The following MEGF6 variants were observed in gnomAD, a reference collection of about 807,000 sequenced individuals.
MEGF6 encodes the protein multiple epidermal growth factor-like domains protein 6.
MEGF6 carries 184 observed loss-of-function variants against 207.1 expected under a neutral mutation model. That is an observed-to-expected ratio of 0.89 (90% confidence interval 0.79 to 1.00). The LOEUF (loss-of-function observed/expected upper bound fraction) is 1.00, where lower values mean the gene tolerates loss of function less well. Among genes scored for constraint, MEGF6 ranks in the 50% least tolerant of loss-of-function variants. The pLI is 0.00. For missense variants in MEGF6, 2,282 were observed against 2,202.9 expected, an observed-to-expected ratio of 1.04 and a Z score of -0.72; for synonymous variants, 1,038 against 910.0, an observed-to-expected ratio of 1.14 and a Z score of -2.53.
Position 3,494,093 on chromosome 1 carries a change from G to A in MEGF6, c.4161C>T (p.Cys1387=), listed in dbSNP as rs775852675. 16 of 1,588,466 alleles carry A rather than the reference G, an allele frequency of 1.0e-5. No individual in the cohort carries two copies. The East Asian group carries it at 3.1e-4, about 31-fold the overall frequency. The part of the protein sequence containing the change: ...PCPPGFHGAG[C]QGLCWCQHGA... ...CATGTTGACACCAGCACAACCCCTG[G>A]CAGCCAGCCCCGTGGAAGCCAGGGG... The change falls in exon 33 of 37, where the codon TGC becomes TGT. Residue 1387 remains cysteine (C), a synonymous_variant. Coordinates refer to ENST00000356575, the MANE Select transcript of MEGF6 (RefSeq NM_001409.4).
At chr1:3,621,557 C>CTTATA in the MEGF6 span, among the ~76,000 whole-genome samples, 1 of 152,130 alleles carries the variant, frequency 6.6e-6, no homozygotes, top group Non-Finnish European at 1.5e-5. Flanking sequence ...TCTAGTATAA[C>CTTATA]TCTTGTTATT....
intron 2 of MEGF6, among the ~76,000 whole-genome samples, chr1:3,598,229 C>T (rs1644099840): frequency 6.6e-6 from 1 of 152,176 alleles, no homozygotes; most frequent in African/African-American, 2.4e-5. Flanking sequence ...AACAAAACAC[C>T]CCCAGCTTGC....
intron 31 of MEGF6, 33 bp downstream of exon 31, chr1:3,494,580 G>A (rs1219600200): frequency 1.9e-6 from 3 of 1,560,240 alleles, no homozygotes; most frequent in Non-Finnish European, 2.6e-6. Flanking sequence ...TCCCTGAGGG[G>A]ATGCTGGGGT....
chr1:3,618,741 C>T, the MEGF6 span, among the ~76,000 whole-genome samples: 4 of 152,322 alleles, frequency 2.6e-5, no homozygotes, highest in African/African-American at 9.6e-5. The surrounding 1 kb of genome is among the most constrained non-coding windows in gnomAD (Gnocchi z 4.7). Context: ...CCCTCGTACA[C>T]AGCCCTGGGA....
Position 3,490,264 on chromosome 1 carries a change from C to T in MEGF6, c.*264G>A. 2 of 531,538 alleles carry T rather than the reference C, an allele frequency of 3.8e-6. No individual in the cohort carries two copies. Among genetic ancestry groups the T allele is most frequent in the South Asian group, 5.0e-5 (2 of 40,154 alleles). The allele number at this position is 531,538 out of a possible 1,614,324, so 32.9% of individuals were successfully genotyped here. ...CGGGGAGAGCGGGACTTCCTCAGCCCAGGCCCAGAGCGTGCCCCTGGGTTC... is the reference window on the plus strand; with the variant it reads ...CGGGGAGAGCGGGACTTCCTCAGCCTAGGCCCAGAGCGTGCCCCTGGGTTC... On this transcript the variant is annotated 3_prime_UTR_variant, in exon 37 of 37. Coordinates refer to ENST00000356575, the MANE Select transcript of MEGF6 (RefSeq NM_001409.4).
Position 3,497,255 on chromosome 1 carries a change from G to A in MEGF6, c.3459C>T (p.Phe1153=), listed in dbSNP as rs562817589. The A allele has an allele frequency of 1.1e-5, 17 of 1,538,176 alleles. No individual in the cohort carries two copies. In the African/African-American group the frequency reaches 2.4e-4, roughly 21 times the overall value. Residue 1153 remains phenylalanine (F), a synonymous_variant, in exon 27 of 37, where the codon TTC becomes TTT. Coordinates refer to ENST00000356575, the MANE Select transcript of MEGF6 (RefSeq NM_001409.4). ...VTGACRCPPG[F]TGSGCEQACP... ...TACCCTGCTCGCAGCCGGAGCCAGT[G>A]AAGCCAGGGGGACAGCGGCAGGCCC...
chr1:3,508,366 G>A (rs750814577), intron 13 of MEGF6, among the ~76,000 whole-genome samples, 192 bp downstream of exon 13: 3 of 152,228 alleles, frequency 2.0e-5, no homozygotes, highest in Admixed American at 6.5e-5. Context: ...GGAACAGTGC[G>A]TGGCATAGAG....
rs1640476369 is a variant in MEGF6 at position 3,493,792 on chromosome 1, A to G, written c.4366T>C (p.Ser1456Pro). 6.2e-7 allele frequency: 1 copy of G among 1,611,948 alleles called. No homozygotes were observed. The highest frequency in any genetic ancestry group is 8.5e-7 in the Non-Finnish European group (1 of 1,179,614). Residue 1456 changes from serine to proline, a missense_variant, in exon 34 of 37, where the codon TCA becomes CCA. Physicochemically the swap from Ser to Pro is moderately conservative, Grantham distance 74 (BLOSUM62 -1). Coordinates refer to ENST00000356575, the MANE Select transcript of MEGF6 (RefSeq NM_001409.4). ...TCACCCAGGTTACAGGTGGCTCCTG[A>G]GCGCCCTGGTGGGCAAAGGCAGAGA... ...TGLCLCPPGR[S>P]GATCNLDCRR...
At chr1:3,545,886 C>G (rs1361210153) in intron 4 of MEGF6, among the ~76,000 whole-genome samples, 5 of 152,210 alleles carry the variant, frequency 3.3e-5, no homozygotes, top group African/African-American at 1.2e-4. Flanking sequence ...TAGAACATCC[C>G]AGACAGAGCA....
intron 23 of MEGF6, 54 bp from the exon 24 acceptor site, chr1:3,499,320 G>A: frequency 6.4e-7 from 1 of 1,551,750 alleles, no homozygotes; most frequent in Middle Eastern, 2.3e-4. Flanking sequence ...CCCAGGGGTT[G>A]GCAGCAGATC....
At chr1:3,569,501 G>T (rs1643438899) in intron 4 of MEGF6, among the ~76,000 whole-genome samples, 1 of 152,248 alleles carries the variant, frequency 6.6e-6, no homozygotes. Context: ...GATGGGACAG[G>T]ATGGCCGAGG....
intron 4 of MEGF6, among the ~76,000 whole-genome samples, chr1:3,568,351 G>T (rs200935016): frequency 4.0e-5 from 6 of 148,660 alleles, no homozygotes; most frequent in Non-Finnish European, 8.8e-5. Context: ...AGGGGAATGG[G>T]GGCTTCGGTA....
intron 17 of MEGF6, among the ~76,000 whole-genome samples, chr1:3,503,529 C>T (rs1314380696): frequency 6.6e-6 from 1 of 151,844 alleles, no homozygotes; most frequent in Non-Finnish European, 1.5e-5. Context: ...ACTGGGGGCT[C>T]CGGGAGTGGT....
Position 3,492,652 on chromosome 1 carries a change from G to C in MEGF6, c.4503C>G (p.Pro1501=), listed in dbSNP as rs761741747. Residue 1501 remains proline, a synonymous_variant, in exon 35 of 37, where the codon CCC becomes CCG. Coordinates refer to ENST00000356575, the MANE Select transcript of MEGF6 (RefSeq NM_001409.4). ...AGCCCAGCTCACCTTCCCGGCACGT[G>C]GGCCCCATGTAGCCATCCACACAGT... ...QCHCVDGYMG[P]TCREGGPLRL... 7.4e-6 allele frequency: 12 copies of C among 1,610,862 alleles called. No homozygotes were observed. Among genetic ancestry groups the C allele is most frequent in the Middle Eastern group, 3.3e-4 (2 of 6,044 alleles).
intron 3 of MEGF6, among the ~76,000 whole-genome samples, chr1:3,580,252 G>A (rs925406701): frequency 6.8e-6 from 1 of 146,760 alleles, no homozygotes; most frequent in Non-Finnish European, 1.5e-5. Context: ...AGGGGTGGGA[G>A]GAGGGAAGGT....
intron 29 of MEGF6, 80 bp from the exon 30 acceptor site, chr1:3,496,098 G>A (rs1640593286): frequency 7.0e-7 from 1 of 1,435,168 alleles, no homozygotes; most frequent in Non-Finnish European, 9.1e-7. Context: ...GATAGGACAG[G>A]ATGGGATGGG....
At chr1:3,578,078 G>A (rs2101740044) in intron 4 of MEGF6, among the ~76,000 whole-genome samples, 1 of 152,296 alleles carries the variant, frequency 6.6e-6, no homozygotes, top group East Asian at 1.9e-4. Context: ...CAGCCCTGAG[G>A]GGGCAGGTCA....
At chr1:3,605,716 ACACT>A (rs747860572) in intron 1 of MEGF6, among the ~76,000 whole-genome samples, 3 of 152,160 alleles carry the variant, frequency 2.0e-5, no homozygotes, top group Non-Finnish European at 2.9e-5. Context: ...CCATTCACAC[ACACT>A]CACAGATACA....
At chr1:3,506,330 C>T in intron 14 of MEGF6, 94 bp from the exon 15 acceptor site, 3 of 1,460,418 alleles carry the variant, frequency 2.1e-6, no homozygotes, top group Non-Finnish European at 2.8e-6. Context: ...GCCCAGGGCC[C>T]AGCACAGGAG....
Sources: gnomAD v4.1 joint callset for allele counts (sites outside exome capture counted in the v4.1 genomes callset) on GRCh38, gnomAD v4.1.1 for gene constraint, Gnocchi (gnomAD v3.1) non-coding constraint, MANE v1.5 for transcripts, NCBI Gene and HGNC (gene_info 2026-07-23, HGNC 2026-07-21) for gene names.